The following CTTNBP2 variants were observed in gnomAD, a reference collection of about 807,000 sequenced individuals.
CTTNBP2 encodes cortactin-binding protein 2.
In CTTNBP2, 108 loss-of-function variants were observed where a neutral mutation model predicts 156.9. That is an observed-to-expected ratio of 0.69 (90% CI 0.59 to 0.81). The LOEUF is 0.81. CTTNBP2 is among the 30% of genes least tolerant of loss of function. CTTNBP2 has a pLI of 0.00. For missense variants in CTTNBP2, 1,924 were observed against 2,035.4 expected, an observed-to-expected ratio of 0.95 and a Z score of 1.05; for synonymous variants, 767 against 751.8, an observed-to-expected ratio of 1.02 and a Z score of -0.33.
intron 2 of CTTNBP2, among the ~76,000 whole-genome samples, chr7:117,848,443 T>C (rs1480420713): frequency 6.6e-6 from 1 of 152,196 alleles, no homozygotes; most frequent in Non-Finnish European, 1.5e-5. Context: ...TACTCAGCCA[T>C]TACAGTTTTA....
intron 2 of CTTNBP2, among the ~76,000 whole-genome samples, chr7:117,817,365 T>A (rs12381321): frequency 0.083 from 5,784 of 69,494 alleles, 1,019 homozygotes; most frequent in African/African-American, 0.13. Context: ...AAAAAAAATA[T>A]ATATATATAT....
rs1334469805 is a variant in CTTNBP2 at position 117,760,656 on chromosome 7, T to C, written c.2951A>G (p.Tyr984Cys). Reference sequence around the variant, plus strand: ...TTCACATTCCAAGTCATCAGAACCATAGTTGCTTGGTTCAATCTCACCCAC... The same window carrying C: ...TTCACATTCCAAGTCATCAGAACCACAGTTGCTTGGTTCAATCTCACCCAC... ...ISVGEIEPSN[Y>C]GSDDLECENT... The change falls in exon 10 of 23, where the codon TAT becomes TGT. Residue 984 changes from tyrosine (Y) to cysteine (C), a missense_variant. Coordinates refer to ENST00000160373, the MANE Select transcript of CTTNBP2 (RefSeq NM_033427.3). 3 of 1,612,394 alleles carry C rather than the reference T, an allele frequency of 1.9e-6. No homozygotes were observed. The highest frequency in any genetic ancestry group is 1.7e-5 in the Admixed American group (1 of 60,016).
At chr7:117,741,872 A>G (rs1796037562) in intron 14 of CTTNBP2, among the ~76,000 whole-genome samples, 1 of 152,234 alleles carries the variant, frequency 6.6e-6, no homozygotes, top group African/African-American at 2.4e-5. Flanking sequence ...TTCTTTGCCT[A>G]TGCTATTTCT....
intron 2 of CTTNBP2, among the ~76,000 whole-genome samples, chr7:117,846,374 A>G (rs1246735087): frequency 6.6e-6 from 1 of 152,210 alleles, no homozygotes; most frequent in South Asian, 2.1e-4. Flanking sequence ...TAATTATGTT[A>G]TGGTGGTAGG....
At chr7:117,798,523 A>G (rs1584441976) in intron 3 of CTTNBP2, among the ~76,000 whole-genome samples, 2 of 152,296 alleles carry the variant, frequency 1.3e-5, no homozygotes. Context: ...TTTAGAATAT[A>G]TTTGGGGCTG....
intron 2 of CTTNBP2, among the ~76,000 whole-genome samples, chr7:117,846,034 G>A (rs910732248): frequency 1.4e-4 from 20 of 141,178 alleles, no homozygotes; most frequent in African/African-American, 5.0e-4. Flanking sequence ...TGTATTTTTA[G>A]TAGAGACAGG....
At chr7:117,829,858 G>A (rs182216314) in intron 2 of CTTNBP2, among the ~76,000 whole-genome samples, 3 of 152,318 alleles carry the variant, frequency 2.0e-5, no homozygotes, top group Admixed American at 2.0e-4. Flanking sequence ...CAATTTAGAA[G>A]AGCCCTCTAA....
intron 20 of CTTNBP2, 85 bp downstream of exon 20, chr7:117,720,981 TG>T: frequency 1.2e-6 from 1 of 842,742 alleles, no homozygotes; most frequent in Non-Finnish European, 1.9e-6. Flanking sequence ...GTCATTCAAA[TG>T]AGAACATGGA....
intron 1 of CTTNBP2, chr7:117,871,994 G>C: frequency 2.0e-6 from 2 of 984,576 alleles, no homozygotes; most frequent in Non-Finnish European, 2.4e-6. Flanking sequence ...GCCCCACAGA[G>C]GGGAGCTGAT....
intron 20 of CTTNBP2, 117 bp downstream of exon 20, chr7:117,720,950 T>A (rs898305813): frequency 4.8e-5 from 36 of 756,662 alleles, no homozygotes; most frequent in Middle Eastern, 6.8e-4. Flanking sequence ...ATAACTTTTT[T>A]AAAACCATAT....
At position 117,715,475 on chromosome 7, in the gene CTTNBP2, TAAAA is replaced by T. The variant is rs398048025; in HGVS notation, c.4746+2539_4746+2542del. Among the ~76,000 whole-genome samples, 85 of 116,378 alleles carry T rather than the reference TAAAA, an allele frequency of 7.3e-4. 2 individuals are homozygous for T. Among genetic ancestry groups the T allele is most frequent in the African/African-American group, 2.6e-3 (66 of 25,398 alleles). The allele number at this position is 116,378 out of a possible 152,430, so 76.3% of individuals were successfully genotyped here. On this transcript the variant is annotated intron_variant, in intron 22 of 22. Coordinates refer to ENST00000160373, the MANE Select transcript of CTTNBP2 (RefSeq NM_033427.3). ...CAGACTAGAGTCCAGGCCCTGAAGT[TAAAA>T]AAAAAAAAAAAAAAGAAGCCTCAAG... is the stretch of plus-strand genomic sequence containing the variant.
chr7:117,833,231 C>G (rs1429265083), intron 2 of CTTNBP2, among the ~76,000 whole-genome samples: 1 of 152,196 alleles, frequency 6.6e-6, no homozygotes, highest in African/African-American at 2.4e-5. Context: ...CTCATTCGTT[C>G]CTTCCCATGG....
chr7:117,819,883 T>C (rs756229456), intron 2 of CTTNBP2, among the ~76,000 whole-genome samples: 3 of 152,222 alleles, frequency 2.0e-5, no homozygotes, highest in Non-Finnish European at 4.4e-5. Context: ...TGATTTATTT[T>C]GTTCCCAAAG....
intron 3 of CTTNBP2, among the ~76,000 whole-genome samples, chr7:117,796,818 T>C (rs1799348109): frequency 6.6e-6 from 1 of 152,222 alleles, no homozygotes; most frequent in Non-Finnish European, 1.5e-5. Flanking sequence ...ATAAGTTAGA[T>C]AGGGGTTATA....
chr7:117,828,656 G>C (rs1801435607), intron 2 of CTTNBP2, among the ~76,000 whole-genome samples: 2 of 152,184 alleles, frequency 1.3e-5, no homozygotes, highest in Admixed American at 1.3e-4. Flanking sequence ...TCACAAGCCT[G>C]TTTGTGTTTG....
intron 1 of CTTNBP2, among the ~76,000 whole-genome samples, chr7:117,868,595 A>C (rs1469359997): frequency 6.6e-6 from 1 of 152,180 alleles, no homozygotes; most frequent in East Asian, 1.9e-4. Flanking sequence ...AAAACATTAA[A>C]ATTTTAAAAA....
rs181262746 is a variant in CTTNBP2, at chr7:117,792,230, C to T, written c.966G>A (p.Leu322=). The change falls in exon 4 of 23, where the codon TTG becomes TTA. Residue 322 remains leucine (L), a synonymous_variant. Coordinates refer to ENST00000160373, the MANE Select transcript of CTTNBP2 (RefSeq NM_033427.3). This position sits in a 1 kb window ranked among gnomAD's most constrained non-coding sequence, Gnocchi z 4.2. ...VTENADHMKK[L]PLTMPVKPST... ...AAGGTTTTACAGGCATGGTTAAAGGCAACTTTTTCATGTGGTCAGCATTTT... is the reference window on the plus strand; with the variant it reads ...AAGGTTTTACAGGCATGGTTAAAGGTAACTTTTTCATGTGGTCAGCATTTT... 470 of 1,614,188 alleles carry T rather than the reference C, an allele frequency of 2.9e-4. 3 individuals carry two copies. The highest frequency in any genetic ancestry group is 4.6e-5 in the Non-Finnish European group (54 of 1,180,028).
At chr7:117,782,333 T>A (rs867101910) in intron 6 of CTTNBP2, among the ~76,000 whole-genome samples, 2 of 152,196 alleles carry the variant, frequency 1.3e-5, no homozygotes, top group African/African-American at 2.4e-5. Context: ...ATATTTTAAT[T>A]AATAGGGTCT....
chr7:117,739,176 T>C (rs79121811), intron 14 of CTTNBP2, among the ~76,000 whole-genome samples: 27 of 152,310 alleles, frequency 1.8e-4, no homozygotes, highest in African/African-American at 6.3e-4. Context: ...AATTTTATTT[T>C]AGTTGAGAAA....
Sources: allele counts gnomAD v4.1 joint callset (sites outside exome capture counted in the v4.1 genomes callset), GRCh38; gene constraint gnomAD v4.1.1; non-coding constraint Gnocchi (gnomAD v3.1); transcripts MANE v1.5; gene names NCBI Gene and HGNC (gene_info 2026-07-23, HGNC 2026-07-21).